The following KCNG4 variants were observed in gnomAD, a reference collection of about 807,000 sequenced individuals.
KCNG4 encodes voltage-gated potassium channel regulatory subunit KCNG4.
KCNG4 carries 30 observed loss-of-function variants against 28.2 expected under a neutral mutation model. The observed-to-expected ratio is 1.06, with a 90% CI of 0.80 to 1.44. KCNG4 has a LOEUF of 1.44. KCNG4 is among the 40% of genes most tolerant of loss of function. The pLI is 0.00. For missense variants in KCNG4, 879 were observed against 712.3 expected (o/e 1.23, Z -2.66); for synonymous variants, 375 against 315.5 (o/e 1.19, Z -2.00).
intron 1 of KCNG4, among the ~76,000 whole-genome samples, chr16:84,237,821 C>G (rs1905012685): frequency 6.6e-6 from 1 of 152,124 alleles, no homozygotes; most frequent in Non-Finnish European, 1.5e-5. Context: ...CTGAGCTGGA[C>G]AAGTCGGAGC....
intron 2 of KCNG4, among the ~76,000 whole-genome samples, chr16:84,228,687 A>G (rs1904753376): frequency 6.6e-6 from 1 of 151,982 alleles, no homozygotes; most frequent in Non-Finnish European, 1.5e-5. Context: ...GCTGGAACCA[A>G]CCGGACGGGG....
chr16:84,238,500 G>C (rs1039205936), intron 1 of KCNG4, among the ~76,000 whole-genome samples: 1 of 152,182 alleles, frequency 6.6e-6, no homozygotes, highest in South Asian at 2.1e-4. Flanking sequence ...TGTTCGTTGC[G>C]TGCTTGCCTC....
rs1048620262 is a variant in KCNG4 at position 84,218,914 on chromosome 16, A to G, written c.*3303T>C. 2.6e-5 allele frequency: 4 copies of G among 152,250 alleles called. No homozygotes were observed. Among genetic ancestry groups the G allele is most frequent in the African/African-American group, 9.6e-5 (4 of 41,466 alleles). The allele number at this position is 152,250 out of a possible 1,614,324, so 9.4% of individuals were successfully genotyped here. A position where few individuals can be genotyped will look rare whatever the true frequency, so the allele number is the denominator to read the frequency against. ...GGATATGCCTGGGTAGAAGCCAGTT[A>G]CAGGGATGGGCAGAGCTGTCATTAA... On this transcript the variant is annotated 3_prime_UTR_variant, in exon 3 of 3. Transcript: ENST00000308251.
At chr16:84,232,708 T>C (rs1305507613) in intron 2 of KCNG4, among the ~76,000 whole-genome samples, 1 of 152,014 alleles carries the variant, frequency 6.6e-6, no homozygotes, top group Non-Finnish European at 1.5e-5. Context: ...GAGACCAGCC[T>C]GGCCCACATG....
intron 2 of KCNG4, among the ~76,000 whole-genome samples, chr16:84,225,257 G>A (rs1206565217): frequency 6.6e-6 from 1 of 151,884 alleles, no homozygotes; most frequent in African/African-American, 2.4e-5. Flanking sequence ...GGATCCTGAA[G>A]GGCTCAGAAG....
At chr16:84,224,656 G>C (rs1348787034) in intron 2 of KCNG4, among the ~76,000 whole-genome samples, 1 of 152,204 alleles carries the variant, frequency 6.6e-6, no homozygotes, top group Non-Finnish European at 1.5e-5. Context: ...GTCTCTATTT[G>C]CCTGTCCAGG....
Position 84,222,731 on chromosome 16 carries a change from C to T in KCNG4, c.1046G>A (p.Arg349His), listed in dbSNP as rs200888782. 2.7e-5 allele frequency: 44 copies of T among 1,612,802 alleles called. No individual in the cohort carries two copies. The highest frequency in any genetic ancestry group is 3.5e-5 in the Non-Finnish European group (41 of 1,179,534). ...LRALRILYVM[R>H]LARHSLGLQT... ...CAGCCCCAGCGAGTGGCGAGCCAGG[C>T]GCATCACGTAGAGGATGCGCAGCGC... Residue 349 changes from arginine (R) to histidine (H), a missense_variant, in exon 3 of 3, where the codon CGC becomes CAC. By Grantham distance (29) the Arg-to-His change is conservative. Transcript: ENST00000308251.
intron 2 of KCNG4, among the ~76,000 whole-genome samples, chr16:84,227,871 C>A (rs1279779151): frequency 1.3e-5 from 2 of 152,044 alleles, no homozygotes. Flanking sequence ...CCAGAGCAGG[C>A]AAATCCACAG....
At chr16:84,230,489 G>A (rs111483131) in intron 2 of KCNG4, among the ~76,000 whole-genome samples, 17,898 of 149,990 alleles carry the variant, frequency 0.12, 1,033 homozygotes, top group Non-Finnish European at 0.13. Context: ...GGAGAATGGC[G>A]TGAACCCGGG....
At position 84,222,205 on chromosome 16, in the gene KCNG4, G is replaced by A; in HGVS notation, c.*12C>T. 6.2e-7 allele frequency: 1 copy of A among 1,613,198 alleles called. No individual in the cohort carries two copies. Among genetic ancestry groups the A allele is most frequent in the Non-Finnish European group, 8.5e-7 (1 of 1,179,474 alleles). Reference sequence around the variant, plus strand: ...GGGTTGAGGTTACCATGTAGTCATGGGGGGTGCTGAGTTACATGTGCATGA... The same window carrying A: ...GGGTTGAGGTTACCATGTAGTCATGAGGGGTGCTGAGTTACATGTGCATGA... On this transcript the variant is annotated 3_prime_UTR_variant, in exon 3 of 3. Coordinates refer to ENST00000308251, the MANE Select transcript of KCNG4 (RefSeq NM_172347.3).
At chr16:84,224,047 T>C (rs1192773964) in intron 2 of KCNG4, among the ~76,000 whole-genome samples, 1 of 152,172 alleles carries the variant, frequency 6.6e-6, no homozygotes, top group African/African-American at 2.4e-5. Flanking sequence ...CCAGTCCTTC[T>C]GCCACTCAAA....
chr16:84,239,326 C>A (rs893845294), intron 1 of KCNG4, among the ~76,000 whole-genome samples: 3 of 152,126 alleles, frequency 2.0e-5, no homozygotes, highest in Admixed American at 2.0e-4. Flanking sequence ...ATCTGGGGAG[C>A]CCTTTGCAAG....
Position 84,222,150 on chromosome 16 carries a change from T to A in KCNG4, c.*67A>T. On this transcript the variant is annotated 3_prime_UTR_variant, in exon 3 of 3. Coordinates refer to ENST00000308251, the MANE Select transcript of KCNG4 (RefSeq NM_172347.3). ...ACACCACCAGGTGGTCTATGCGGGGTACCCTTGAGTGTGTTTCAGGCAGGG... is the reference window on the plus strand; with the variant it reads ...ACACCACCAGGTGGTCTATGCGGGGAACCCTTGAGTGTGTTTCAGGCAGGG... The A allele has an allele frequency of 2.6e-6, 4 of 1,513,786 alleles. No homozygotes were observed. The highest frequency in any genetic ancestry group is 3.6e-6 in the Non-Finnish European group (4 of 1,098,728). 93.8% of individuals were successfully genotyped at this position (1,513,786 alleles called of 1,614,324 possible).
chr16:84,219,666 G>A lies in KCNG4; in HGVS notation c.*2551C>T, dbSNP rs1158073320. 6.8e-6 allele frequency: 1 copy of A among 146,594 alleles called. No homozygotes were observed. The highest frequency in any genetic ancestry group is 2.5e-5 in the African/African-American group (1 of 39,218). 9.1% of individuals were successfully genotyped at this position (146,594 alleles called of 1,614,324 possible). On this transcript the variant is annotated 3_prime_UTR_variant, in exon 3 of 3. Coordinates refer to ENST00000308251, the MANE Select transcript of KCNG4 (RefSeq NM_172347.3). The stretch of plus-strand genomic sequence containing the variant: ...GGCGTGAACCTGGGAGGCGGAGCTT[G>A]CAGTGAGCCGAGATTGAGCCACTGC...
intron 2 of KCNG4, among the ~76,000 whole-genome samples, chr16:84,224,314 G>T: frequency 6.6e-6 from 1 of 152,082 alleles, no homozygotes; most frequent in South Asian, 2.1e-4. Context: ...TTTAATTAAT[G>T]TAGGTTTGAG....
chr16:84,223,698 A>T (rs1904632289), intron 2 of KCNG4, among the ~76,000 whole-genome samples: 1 of 152,148 alleles, frequency 6.6e-6, no homozygotes, highest in Non-Finnish European at 1.5e-5. Flanking sequence ...TCACATACAT[A>T]GGAGGCGGTA....
intron 2 of KCNG4, among the ~76,000 whole-genome samples, chr16:84,224,123 C>A (rs1397411074): frequency 1.3e-5 from 2 of 152,140 alleles, no homozygotes; most frequent in Non-Finnish European, 2.9e-5. Flanking sequence ...GCATCTCAGG[C>A]CCCACCCCAT....
At chr16:84,234,838 C>A (rs999699613) in intron 2 of KCNG4, among the ~76,000 whole-genome samples, 1 of 152,130 alleles carries the variant, frequency 6.6e-6, no homozygotes, top group African/African-American at 2.4e-5. Flanking sequence ...CATCCTTTTA[C>A]GTAAATGTAA....
chr16:84,222,206 G>T lies in KCNG4; in HGVS notation c.*11C>A, dbSNP rs758544083. Reference sequence around the variant, plus strand: ...GGTTGAGGTTACCATGTAGTCATGGGGGGTGCTGAGTTACATGTGCATGAT... The same window carrying T: ...GGTTGAGGTTACCATGTAGTCATGGTGGGTGCTGAGTTACATGTGCATGAT... On this transcript the variant is annotated 3_prime_UTR_variant, in exon 3 of 3. Coordinates refer to ENST00000308251, the MANE Select transcript of KCNG4 (RefSeq NM_172347.3). 10 of 1,613,282 alleles carry T rather than the reference G, an allele frequency of 6.2e-6. No individual in the cohort carries two copies. The South Asian group carries it at 1.1e-4, about 18-fold the overall frequency.
Sources: allele counts gnomAD v4.1 joint callset (sites outside exome capture counted in the v4.1 genomes callset), GRCh38; gene constraint gnomAD v4.1.1; transcripts MANE v1.5; gene names NCBI Gene and HGNC (gene_info 2026-07-23, HGNC 2026-07-21).